TANC1: variants seen among roughly 807,000 people sequenced by gnomAD.
TANC1 encodes protein TANC1.
A neutral mutation model predicts 149.7 loss-of-function variants in TANC1; 77 were observed. The ratio of observed to expected loss-of-function variants is 0.51; its 90% CI spans 0.43 to 0.62. TANC1 has a LOEUF of 0.62. TANC1 is among the 20% of genes least tolerant of loss of function. The pLI is 0.00. For missense variants in TANC1, 1,985 were observed against 2,321.8 expected (o/e 0.85, Z 2.98); for synonymous variants, 854 against 925.0 (o/e 0.92, Z 1.39).
intron 2 of TANC1, among the ~76,000 whole-genome samples, chr2:159,025,228 T>G (rs947304853): frequency 3.1e-4 from 46 of 149,548 alleles, no homozygotes; most frequent in Admixed American, 5.3e-4. Flanking sequence ...TTTCTTTCTT[T>G]CTTTCTTTCT....
intron 2 of TANC1, among the ~76,000 whole-genome samples, chr2:159,019,984 C>T (rs1446258828): frequency 6.6e-6 from 1 of 152,136 alleles, no homozygotes; most frequent in Non-Finnish European, 1.5e-5. Context: ...CAAGAGTTCA[C>T]AGAAAATCTA....
In TANC1 at chr2:159,194,401, G is replaced by A. The variant is rs147050472; in HGVS notation, c.2887G>A (p.Gly963Arg). The A allele has an allele frequency of 1.4e-4, 226 of 1,614,284 alleles. No individual in the cohort carries two copies. In the East Asian group the frequency reaches 2.0e-3, roughly 14 times the overall value. The change falls in exon 17 of 27, where the codon GGA (glycine) becomes AGA (arginine). Residue 963 changes from glycine (G) to arginine (R), a missense_variant. Physicochemically the swap from Gly to Arg is moderately radical, Grantham distance 125. This residue lies in a region of TANC1 where 508 missense variants were observed against 714.2 expected (regional missense o/e 0.71). Coordinates refer to ENST00000263635, the MANE Select transcript of TANC1 (RefSeq NM_033394.3). ...LLLEFGACLD[G>R]TSENGMTALC... ...CCTGGAATTTGGTGCCTGCCTGGACGGAACGTCAGAGAACGGCATGACTGC... is the reference window on the plus strand; with the variant it reads ...CCTGGAATTTGGTGCCTGCCTGGACAGAACGTCAGAGAACGGCATGACTGC...
In TANC1 at chr2:159,088,908, T is replaced by C. The variant is rs533321374; in HGVS notation, c.62-8729T>C. 2.0e-5 allele frequency among the ~76,000 whole-genome samples: 3 copies of C among 152,288 alleles called. No homozygotes were observed. The South Asian group carries it at 6.2e-4, about 32-fold the overall frequency. On this transcript the variant is annotated intron_variant, in intron 3 of 26. Coordinates refer to ENST00000263635, the MANE Select transcript of TANC1 (RefSeq NM_033394.3). ...CACAGAATTTTGTTCTCAGTCGTCT[T>C]TGAGTGTTCAAGCAGATGTTCTCTT... is the stretch of plus-strand genomic sequence containing the variant.
chr2:159,132,655 AT>A (rs35719354), intron 4 of TANC1, among the ~76,000 whole-genome samples: 43,092 of 127,222 alleles, frequency 0.34, 7,763 homozygotes, highest in East Asian at 0.48. Context: ...CACCCAGCTA[AT>A]TTTTTTTTTT....
intron 1 of TANC1, among the ~76,000 whole-genome samples, chr2:158,993,194 G>A (rs1351606712): frequency 2.0e-5 from 3 of 152,200 alleles, no homozygotes; most frequent in Non-Finnish European, 2.9e-5. Flanking sequence ...GGAAGTGGGT[G>A]AACTCAAACT....
chr2:159,100,894 T>G (rs1427569506), intron 4 of TANC1, among the ~76,000 whole-genome samples: 4 of 151,918 alleles, frequency 2.6e-5, no homozygotes, highest in Non-Finnish European at 5.9e-5. Context: ...AAAACTGACA[T>G]ATGGTTGTGA....
At chr2:158,978,294 G>C (rs991939761) in intron 1 of TANC1, among the ~76,000 whole-genome samples, 14 of 152,176 alleles carry the variant, frequency 9.2e-5, no homozygotes, top group African/African-American at 3.4e-4. Flanking sequence ...AAGGCAGGGA[G>C]CTCCATGTAC....
intron 1 of TANC1, among the ~76,000 whole-genome samples, chr2:158,997,802 G>A (rs1322386495): frequency 1.3e-5 from 2 of 152,100 alleles, no homozygotes; most frequent in Admixed American, 6.5e-5. Flanking sequence ...GAAGAATTTC[G>A]AGTAATGTTT....
At position 159,181,530 on chromosome 2, in the gene TANC1, C is replaced by T. The variant is rs990961183; in HGVS notation, c.2510+2367C>T. 2.6e-5 allele frequency among the ~76,000 whole-genome samples: 4 copies of T among 152,206 alleles called. 1 individual carries two copies. The highest frequency in any genetic ancestry group is 5.9e-5 in the Non-Finnish European group (4 of 68,040). ...GCCAGGATGGTCTCAATCTCCTGACCTCGTGATCCGCCCGCCTCGGCCTCC... is the reference window on the plus strand; with the variant it reads ...GCCAGGATGGTCTCAATCTCCTGACTTCGTGATCCGCCCGCCTCGGCCTCC... On this transcript the variant is annotated intron_variant, in intron 14 of 26. Coordinates refer to ENST00000263635, the MANE Select transcript of TANC1 (RefSeq NM_033394.3).
At chr2:159,046,240 C>A (rs554287083) in intron 2 of TANC1, among the ~76,000 whole-genome samples, 1 of 152,124 alleles carries the variant, frequency 6.6e-6, no homozygotes, top group African/African-American at 2.4e-5. Context: ...TTTTAGACTG[C>A]GTCTCTCTTT....
intron 4 of TANC1, among the ~76,000 whole-genome samples, chr2:159,119,163 A>G (rs2048596091): frequency 6.6e-6 from 1 of 152,180 alleles, no homozygotes; most frequent in African/African-American, 2.4e-5. Flanking sequence ...TTTGCCCCCA[A>G]ATGTCTTCAG....
intron 2 of TANC1, among the ~76,000 whole-genome samples, chr2:159,034,531 A>C (rs1217979835): frequency 6.6e-6 from 1 of 152,172 alleles, no homozygotes; most frequent in East Asian, 1.9e-4. Context: ...AAAGCTACCT[A>C]GGAGATTCTC....
chr2:159,051,603 T>C (rs1472576042), intron 2 of TANC1, among the ~76,000 whole-genome samples: 1 of 152,062 alleles, frequency 6.6e-6, no homozygotes, highest in East Asian at 1.9e-4. Flanking sequence ...ACATGTCATA[T>C]CCACCCATAG....
chr2:159,228,728 ACTAGACGGG>A, intron 25 of TANC1, 59 bp from the exon 26 acceptor site: 1 of 1,191,764 alleles, frequency 8.4e-7, no homozygotes, highest in Non-Finnish European at 1.3e-6. Flanking sequence ...TTAGAACAAA[ACTAGACGGG>A]CTTCCCACAA....
intron 19 of TANC1, among the ~76,000 whole-genome samples, chr2:159,201,982 AG>A (rs1392304521): frequency 6.6e-6 from 1 of 152,234 alleles, no homozygotes; most frequent in Non-Finnish European, 1.5e-5. Flanking sequence ...CCAGTGGCGC[AG>A]GAGCTTAAAT....
intron 3 of TANC1, among the ~76,000 whole-genome samples, chr2:159,087,582 A>G: frequency 6.7e-6 from 1 of 148,290 alleles, no homozygotes; most frequent in East Asian, 2.0e-4. Context: ...ATCACAGTTC[A>G]CTTCAGCCTC....
Position 159,191,943 on chromosome 2 carries a change from G to A in TANC1, c.2743-2314G>A, listed in dbSNP as rs191217478. ...ATTGATGTGGGTCAGGACCATTGAA[G>A]TAAGCCATTGAAAGAAACACACTGG... On this transcript the variant is annotated intron_variant, in intron 16 of 26. Transcript: ENST00000263635. Among the ~76,000 whole-genome samples the A allele has an allele frequency of 8.2e-4, 125 of 152,088 alleles. 1 individual carries two copies. Among genetic ancestry groups the A allele is most frequent in the African/African-American group, 2.9e-3 (120 of 41,498 alleles).
intron 22 of TANC1, 29 bp downstream of exon 22, chr2:159,219,896 C>T (rs959272837): frequency 1.9e-6 from 3 of 1,611,048 alleles, no homozygotes; most frequent in East Asian, 2.2e-5. Flanking sequence ...TCCCCACCTC[C>T]ACCTGCATTG....
In TANC1 at chr2:159,097,782, G is replaced by T; in HGVS notation, c.207G>T (p.Leu69Phe). The T allele has an allele frequency of 6.2e-7, 1 of 1,613,940 alleles. No homozygotes were observed. Among genetic ancestry groups the T allele is most frequent in the Non-Finnish European group, 8.5e-7 (1 of 1,180,022 alleles). The change falls in exon 4 of 27, where the codon TTG becomes TTT. Residue 69 changes from leucine (L) to phenylalanine (F), a missense_variant. Coordinates refer to ENST00000263635, the MANE Select transcript of TANC1 (RefSeq NM_033394.3). Reference sequence around the variant, plus strand: ...CGATGTCTCTGCCTTCCTCACCTTTGCTGCCTCGACAGTCTCACTTGGTGC... The same window carrying T: ...CGATGTCTCTGCCTTCCTCACCTTTTCTGCCTCGACAGTCTCACTTGGTGC... The part of the protein sequence containing the change: ...GVSMSLPSSP[L>F]LPRQSHLVQS...
Sources: gnomAD v4.1 joint callset for allele counts (sites outside exome capture counted in the v4.1 genomes callset) on GRCh38, gnomAD v4.1.1 for gene constraint, gnomAD v4.1.1 regional missense constraint, MANE v1.5 for transcripts, NCBI Gene and HGNC (gene_info 2026-07-23, HGNC 2026-07-21) for gene names.